The following BAIAP2 variants were observed in gnomAD, a reference collection of about 807,000 sequenced individuals.
BAIAP2 encodes BAR/IMD domain containing adaptor protein 2, also known as BAR/IMD domain-containing adapter protein 2.
Under a neutral mutation model 63.0 loss-of-function variants are expected in BAIAP2, and 18 were observed. The ratio of observed to expected loss-of-function variants is 0.29; its 90% CI spans 0.20 to 0.42. The LOEUF is 0.42. Among genes scored for constraint, BAIAP2 ranks in the 10% least tolerant of loss-of-function variants. The pLI is 1.00. For missense variants in BAIAP2, 610 were observed against 734.3 expected, an observed-to-expected ratio of 0.83 and a Z score of 1.96; for synonymous variants, 386 against 307.6, an observed-to-expected ratio of 1.25 and a Z score of -2.67.
intron 6 of BAIAP2, among the ~76,000 whole-genome samples, chr17:81,096,799 G>A (rs527835843): frequency 1.3e-5 from 2 of 152,372 alleles, no homozygotes; most frequent in Admixed American, 1.3e-4. Flanking sequence ...GAATCTGGCT[G>A]TCGCACTCTA....
intron 1 of BAIAP2, among the ~76,000 whole-genome samples, chr17:81,041,509 A>G (rs2047070872): frequency 6.6e-6 from 1 of 152,128 alleles, no homozygotes; most frequent in African/African-American, 2.4e-5. Flanking sequence ...TACTTACTGG[A>G]ACAGTTGTCT....
At chr17:81,091,978 C>G (rs544151952) in intron 6 of BAIAP2, among the ~76,000 whole-genome samples, 1 of 152,240 alleles carries the variant, frequency 6.6e-6, no homozygotes, top group Non-Finnish European at 1.5e-5. Context: ...GCTGGACGGG[C>G]GCCCCCATCT....
chr17:81,048,320 G>A (rs1471048165), intron 1 of BAIAP2, among the ~76,000 whole-genome samples: 2 of 134,286 alleles, frequency 1.5e-5, no homozygotes, highest in African/African-American at 5.7e-5. Context: ...ATGCACCACT[G>A]CACTCCAGCC....
intron 1 of BAIAP2, among the ~76,000 whole-genome samples, chr17:81,049,568 G>A (rs2143938845): frequency 6.6e-6 from 1 of 152,348 alleles, no homozygotes; most frequent in African/African-American, 2.4e-5. Flanking sequence ...AGCACTGTCA[G>A]GGCGTCTGGG....
intron 13 of BAIAP2, among the ~76,000 whole-genome samples, chr17:81,111,375 T>C: frequency 6.6e-6 from 1 of 152,266 alleles, no homozygotes; most frequent in East Asian, 1.9e-4. Context: ...CCTTTGGGGC[T>C]GACAGCCTTG....
intron 11 of BAIAP2, 26 bp downstream of exon 11, chr17:81,106,172 T>C: frequency 6.4e-7 from 1 of 1,562,092 alleles, no homozygotes; most frequent in East Asian, 2.4e-5. Flanking sequence ...AACGGGAGTG[T>C]AAGATCCCCA....
chr17:81,115,812 C>T lies in BAIAP2; in HGVS notation c.1578C>T (p.Asn526=), dbSNP rs766705468. The change falls in exon 14 of 14, where the codon AAC becomes AAT. Residue 526 remains asparagine (N), a synonymous_variant. Coordinates refer to ENST00000428708, the MANE Select transcript of BAIAP2 (RefSeq NM_001144888.2). The stretch of plus-strand genomic sequence containing the variant: ...TCCAGCTGAAGCCGACAGTGACCAA[C>T]GACAGGTCTGCCCCCCTCCTCAGCT... ...AHVQLKPTVT[N]DRSAPLLS is the part of the protein sequence containing the mutation. 70 of 1,613,436 alleles carry T rather than the reference C, an allele frequency of 4.3e-5. No individual in the cohort carries two copies. The highest frequency in any genetic ancestry group is 5.6e-5 in the Non-Finnish European group (66 of 1,180,024).
chr17:81,081,383 C>T (rs1352644577), intron 3 of BAIAP2, among the ~76,000 whole-genome samples: 1 of 152,204 alleles, frequency 6.6e-6, no homozygotes, highest in East Asian at 1.9e-4. Context: ...CGTCTGCTGT[C>T]CTTGGCTCGT....
At chr17:81,035,735 G>A (rs1323330442) in intron 1 of BAIAP2, among the ~76,000 whole-genome samples, 7 of 151,996 alleles carry the variant, frequency 4.6e-5, no homozygotes, top group African/African-American at 9.7e-5. Flanking sequence ...GGGCCCAGGG[G>A]TTGCGGCGGC....
intron 3 of BAIAP2, among the ~76,000 whole-genome samples, chr17:81,070,145 G>T (rs939569762): frequency 2.0e-5 from 3 of 152,186 alleles, no homozygotes; most frequent in African/African-American, 7.2e-5. Flanking sequence ...TTTTTGTAGA[G>T]ACAAGAGCTT....
chr17:81,057,574 C>G (rs1015712325), intron 2 of BAIAP2: 8 of 1,053,216 alleles, frequency 7.6e-6, no homozygotes, highest in South Asian at 4.3e-5. Context: ...ACTCCCTCCC[C>G]CCGGCCCTGC....
At chr17:81,044,595 G>A (rs1181451842) in intron 1 of BAIAP2, among the ~76,000 whole-genome samples, 2 of 152,228 alleles carry the variant, frequency 1.3e-5, no homozygotes, top group Admixed American at 6.5e-5. Flanking sequence ...TCTTGGGAGG[G>A]GACACAGTTC....
intron 3 of BAIAP2, chr17:81,083,614 G>A (rs368875634): frequency 5.9e-5 from 9 of 152,246 alleles, no homozygotes; most frequent in Non-Finnish European, 1.3e-4. Flanking sequence ...ATGTGGTGCT[G>A]ATGGGGGGTG....
intron 1 of BAIAP2, among the ~76,000 whole-genome samples, chr17:81,051,467 T>A (rs543893207): frequency 6.6e-6 from 1 of 152,118 alleles, no homozygotes; most frequent in Non-Finnish European, 1.5e-5. Flanking sequence ...TGGCGCAATC[T>A]CAGCTCACCA....
chr17:81,059,915 A>G (rs764749917), intron 3 of BAIAP2, among the ~76,000 whole-genome samples: 7 of 152,172 alleles, frequency 4.6e-5, no homozygotes, highest in Non-Finnish European at 8.8e-5. Context: ...GGATTCCAGA[A>G]CTTCCTGTTG....
intron 6 of BAIAP2, among the ~76,000 whole-genome samples, chr17:81,092,988 C>T (rs1219963532): frequency 1.3e-5 from 2 of 152,056 alleles, no homozygotes; most frequent in East Asian, 1.9e-4. Flanking sequence ...GCCCACCGCT[C>T]GGGGGCAGGG....
intron 13 of BAIAP2, among the ~76,000 whole-genome samples, chr17:81,114,266 G>A (rs530007226): frequency 2.0e-5 from 3 of 150,988 alleles, no homozygotes; most frequent in Non-Finnish European, 4.4e-5. Flanking sequence ...GAGCCACTAT[G>A]CCCAGCCAGC....
intron 6 of BAIAP2, among the ~76,000 whole-genome samples, chr17:81,096,570 G>GT (rs1230584075): frequency 2.0e-5 from 3 of 152,212 alleles, no homozygotes; most frequent in Non-Finnish European, 4.4e-5. Flanking sequence ...AGGGGCATGG[G>GT]TGGGTGCTCA....
Position 81,047,013 on chromosome 17 carries a change from C to T in BAIAP2, c.55-6655C>T, listed in dbSNP as rs562283605. ...AGGGCGGTGGTCCAGTGGGCAACAG[C>T]GGCCTGGCCCCTCAGGAGCTGTGCT... On this transcript the variant is annotated intron_variant, in intron 1 of 13. Transcript: ENST00000428708. 5.9e-5 allele frequency among the ~76,000 whole-genome samples: 9 copies of T among 152,304 alleles called. No individual in the cohort carries two copies. The Middle Eastern group carries it at 0.014, about 230-fold the overall frequency.
Sources: allele counts gnomAD v4.1 joint callset (sites outside exome capture counted in the v4.1 genomes callset), GRCh38; gene constraint gnomAD v4.1.1; transcripts MANE v1.5; gene names NCBI Gene and HGNC (gene_info 2026-07-23, HGNC 2026-07-21).